RPH3A: variants seen among roughly 807,000 people sequenced by gnomAD.
RPH3A encodes the protein rabphilin 3A.
RPH3A carries 48 observed loss-of-function variants against 102.2 expected under a neutral mutation model. That is an observed-to-expected ratio of 0.47 (90% CI 0.37 to 0.60). RPH3A has a LOEUF of 0.60. Among genes scored for constraint, RPH3A ranks in the 20% least tolerant of loss-of-function variants. The pLI, the probability that RPH3A is intolerant of heterozygous loss-of-function variation, is 0.00. For missense variants in RPH3A, 781 were observed against 910.1 expected, an observed-to-expected ratio of 0.86 and a Z score of 1.83; for synonymous variants, 310 against 324.3, an observed-to-expected ratio of 0.96 and a Z score of 0.47.
chr12:112,739,854 T>C (rs1445395343), intron 1 of RPH3A, among the ~76,000 whole-genome samples: 2 of 152,272 alleles, frequency 1.3e-5, no homozygotes, highest in Middle Eastern at 3.4e-3. Context: ...CCTCTCTGCC[T>C]CTGGAAGGTT....
chr12:112,733,278 T>C (rs985096507), intron 1 of RPH3A, among the ~76,000 whole-genome samples: 2 of 152,202 alleles, frequency 1.3e-5, no homozygotes, highest in Admixed American at 6.5e-5. Flanking sequence ...CACACATTCC[T>C]GTGCATATAC....
chr12:112,737,610 T>C (rs930561453), intron 1 of RPH3A, among the ~76,000 whole-genome samples: 3 of 152,102 alleles, frequency 2.0e-5, no homozygotes, highest in East Asian at 3.9e-4. Flanking sequence ...GCAGTTTTTT[T>C]CCCCTCTGAG....
chr12:112,691,570 T>G (rs1433356612), intron 1 of RPH3A, among the ~76,000 whole-genome samples: 6 of 152,234 alleles, frequency 3.9e-5, no homozygotes. Flanking sequence ...AGCTCTGTTA[T>G]TTTTTAACAT....
intron 18 of RPH3A, 31 bp from the exon 19 acceptor site, chr12:112,890,818 A>G: frequency 6.2e-7 from 1 of 1,607,290 alleles, no homozygotes; most frequent in Non-Finnish European, 8.5e-7. Context: ...CCTCCCCTCC[A>G]AGGCCCACAC....
At chr12:112,610,927 C>T (rs1472158640) in intron 1 of RPH3A, among the ~76,000 whole-genome samples, 1 of 152,204 alleles carries the variant, frequency 6.6e-6, no homozygotes, top group African/African-American at 2.4e-5. Context: ...TGAGCCCCCG[C>T]ACCCACCTGT....
At chr12:112,860,684 G>A (rs1480127921) in intron 5 of RPH3A, among the ~76,000 whole-genome samples, 1 of 152,206 alleles carries the variant, frequency 6.6e-6, no homozygotes, top group South Asian at 2.1e-4. Context: ...GGGGATTCGT[G>A]GAAAGCAAAG....
At position 112,898,044 on chromosome 12, in the gene RPH3A, AC is replaced by A. The variant is rs1373017403; in HGVS notation, c.*1269del. 3 of 151,750 alleles carry A rather than the reference AC, an allele frequency of 2.0e-5. No homozygotes were observed. In the East Asian group the frequency reaches 5.8e-4, roughly 29 times the overall value. The allele number at this position is 151,750 out of a possible 1,614,324, so 9.4% of individuals were successfully genotyped here. On this transcript the variant is annotated 3_prime_UTR_variant, in exon 22 of 22. Coordinates refer to ENST00000389385, the MANE Select transcript of RPH3A (RefSeq NM_001143854.2). ...TTTTGCATCCCATCTCTCACTCAGA[AC>A]CCCCTCCAGTCTCTCTGTCTCTCTT...
At chr12:112,837,708 A>T (rs2042076077) in intron 4 of RPH3A, 1 of 455,416 alleles carries the variant, frequency 2.2e-6, no homozygotes, top group Admixed American at 2.4e-5. Flanking sequence ...AGAGATGCTG[A>T]GTCATTGTCA....
At chr12:112,583,847 G>T (rs1464903896) in intron 1 of RPH3A, among the ~76,000 whole-genome samples, 1 of 152,136 alleles carries the variant, frequency 6.6e-6, no homozygotes, top group Non-Finnish European at 1.5e-5. Flanking sequence ...TAGCCAGGTG[G>T]TTGTGGCAGA....
intron 1 of RPH3A, among the ~76,000 whole-genome samples, chr12:112,592,460 G>A (rs943938944): frequency 2.6e-5 from 4 of 151,936 alleles, no homozygotes; most frequent in East Asian, 1.9e-4. Flanking sequence ...CTGGGATTAC[G>A]GGCACACGCC....
chr12:112,634,248 T>C (rs2039830111), intron 1 of RPH3A, among the ~76,000 whole-genome samples: 2 of 42,706 alleles, frequency 4.7e-5, no homozygotes, highest in Admixed American at 2.0e-4. Context: ...CTTGGGAGGC[T>C]GAGGCAGGAG....
intron 16 of RPH3A, among the ~76,000 whole-genome samples, chr12:112,885,808 T>C (rs1231395817): frequency 6.6e-6 from 1 of 152,224 alleles, no homozygotes; most frequent in Non-Finnish European, 1.5e-5. Context: ...ATTAAATTAT[T>C]ATGGACTATA....
intron 1 of RPH3A, among the ~76,000 whole-genome samples, chr12:112,694,581 GAA>G (rs2040331944): frequency 6.6e-6 from 1 of 151,890 alleles, no homozygotes; most frequent in Non-Finnish European, 1.5e-5. Context: ...GAGAGAGAGA[GAA>G]AGGCAGAGAG....
rs142997060 is a variant in RPH3A, at chr12:112,824,356, A to T, written c.-18-3945A>T. On this transcript the variant is annotated intron_variant, in intron 2 of 21. Coordinates refer to ENST00000389385, the MANE Select transcript of RPH3A (RefSeq NM_001143854.2). ...CTGTTGGATGAGGGCGATTCTCTGG[A>T]AAATGGTGCTGCTATGAGCCCTTAG... Among the ~76,000 whole-genome samples the T allele has an allele frequency of 7.0e-4, 107 of 152,274 alleles. No individual in the cohort carries two copies. In the Middle Eastern group the frequency reaches 0.014, roughly 19 times the overall value.
intron 1 of RPH3A, among the ~76,000 whole-genome samples, chr12:112,775,753 C>G (rs2040961389): frequency 6.6e-6 from 1 of 152,084 alleles, no homozygotes; most frequent in Non-Finnish European, 1.5e-5. Flanking sequence ...CTAAACTCAC[C>G]AGCTAAAAGA....
intron 11 of RPH3A, 55 bp downstream of exon 11, chr12:112,875,225 T>A: frequency 7.4e-7 from 1 of 1,357,020 alleles, no homozygotes; most frequent in Non-Finnish European, 1.0e-6. Context: ...GCTGTGACCC[T>A]CATACCTCCC....
At position 112,713,697 on chromosome 12, in the gene RPH3A, AT is replaced by A. The variant is rs368285205; in HGVS notation, c.-139-78445del. Among the ~76,000 whole-genome samples, 232 of 152,306 alleles carry A rather than the reference AT, an allele frequency of 1.5e-3. 1 individual carries two copies. Among genetic ancestry groups the A allele is most frequent in the African/African-American group, 5.5e-3 (227 of 41,578 alleles). On this transcript the variant is annotated intron_variant, in intron 1 of 21. Coordinates refer to the RPH3A transcript ENST00000543106. The stretch of plus-strand genomic sequence containing the variant: ...CCCACCAGCTGGCAGTGTCTGGCAT[AT>A]GGTGGATGTTCAATAAATATTTGTT...
At chr12:112,712,145 G>A (rs2136035676) in intron 1 of RPH3A, among the ~76,000 whole-genome samples, 1 of 152,216 alleles carries the variant, frequency 6.6e-6, no homozygotes. Context: ...GTACATTTTA[G>A]TTCTTAGGTT....
chr12:112,793,461 A>G (rs1167387680), intron 2 of RPH3A, among the ~76,000 whole-genome samples: 6 of 152,232 alleles, frequency 3.9e-5, no homozygotes, highest in Non-Finnish European at 8.8e-5. Context: ...GGGTTCACTC[A>G]TTCTTTTTTT....
Sources: gnomAD v4.1 joint callset for allele counts (sites outside exome capture counted in the v4.1 genomes callset) on GRCh38, gnomAD v4.1.1 for gene constraint, MANE v1.5 for transcripts, NCBI Gene and HGNC (gene_info 2026-07-23, HGNC 2026-07-21) for gene names.